The following PTPRM variants were observed in gnomAD, a reference collection of about 807,000 sequenced individuals.
The protein encoded by PTPRM is receptor-type tyrosine-protein phosphatase mu.
In PTPRM, 47 loss-of-function variants were observed where a neutral mutation model predicts 186.7. The observed-to-expected ratio is 0.25, with a 90% CI of 0.20 to 0.32. PTPRM has a LOEUF of 0.32. Among genes scored for constraint, PTPRM ranks in the 10% least tolerant of loss-of-function variants. The probability of loss-of-function intolerance (pLI) is 1.00; values close to 1 mark genes in which losing one functional copy is unlikely to be tolerated. For missense variants in PTPRM, 1,494 were observed against 1,865.0 expected (o/e 0.80, Z 3.66); for synonymous variants, 668 against 674.9 (o/e 0.99, Z 0.16).
chr18:8,132,017 A>G (rs1218276178), intron 13 of PTPRM, among the ~76,000 whole-genome samples: 1 of 152,180 alleles, frequency 6.6e-6, no homozygotes, highest in Non-Finnish European at 1.5e-5. Flanking sequence ...TAATTTACTT[A>G]TTGGTGTTGC....
intron 7 of PTPRM, among the ~76,000 whole-genome samples, chr18:8,002,025 A>C (rs184179124): frequency 6.6e-5 from 10 of 152,310 alleles, no homozygotes; most frequent in South Asian, 2.1e-4. Flanking sequence ...TAAATGTGGA[A>C]AACTGCTCCT....
chr18:7,840,797 A>G (rs554674425), intron 2 of PTPRM, among the ~76,000 whole-genome samples: 1 of 152,222 alleles, frequency 6.6e-6, no homozygotes, highest in Non-Finnish European at 1.5e-5. Flanking sequence ...TAACTTCAGA[A>G]GCTGCTACTA....
intron 6 of PTPRM, among the ~76,000 whole-genome samples, chr18:7,952,631 G>C (rs1386549762): frequency 1.3e-5 from 2 of 151,024 alleles, no homozygotes; most frequent in Admixed American, 1.3e-4. Flanking sequence ...GGGAGACAGA[G>C]CTTGCAGTGA....
intron 13 of PTPRM, among the ~76,000 whole-genome samples, chr18:8,119,381 A>C (rs1447108724): frequency 1.3e-5 from 2 of 152,214 alleles, no homozygotes; most frequent in Non-Finnish European, 2.9e-5. Flanking sequence ...CGCTGATAAA[A>C]GAACTGAAAA....
chr18:7,683,838 C>T (rs941410063), intron 1 of PTPRM, among the ~76,000 whole-genome samples: 2 of 152,068 alleles, frequency 1.3e-5, no homozygotes, highest in African/African-American at 4.8e-5. Flanking sequence ...CAGCCTTTAC[C>T]TGGAGGCTCT....
chr18:7,939,794 G>A (rs2052052767), intron 5 of PTPRM, among the ~76,000 whole-genome samples: 1 of 152,140 alleles, frequency 6.6e-6, no homozygotes, highest in Non-Finnish European at 1.5e-5. Flanking sequence ...ACAGTGCGAT[G>A]CCCATCCTTC....
chr18:7,634,889 A>G (rs577312954), intron 1 of PTPRM, among the ~76,000 whole-genome samples: 1 of 152,336 alleles, frequency 6.6e-6, no homozygotes, highest in South Asian at 2.1e-4. Flanking sequence ...TAACATGCAT[A>G]TGACAACAAA....
At chr18:8,125,528 C>G (rs2092310999) in intron 13 of PTPRM, among the ~76,000 whole-genome samples, 1 of 152,046 alleles carries the variant, frequency 6.6e-6, no homozygotes, top group Non-Finnish European at 1.5e-5. Context: ...CTACATTATT[C>G]TTTTTCATTT....
chr18:8,143,453 A>G (rs2146118176), intron 13 of PTPRM, among the ~76,000 whole-genome samples, 194 bp from the exon 14 acceptor site: 1 of 152,334 alleles, frequency 6.6e-6, no homozygotes, highest in Non-Finnish European at 1.5e-5. Context: ...GGTTTAGTAA[A>G]ATATTGAAGA....
At chr18:8,163,917 T>C (rs780162171) in intron 14 of PTPRM, among the ~76,000 whole-genome samples, 1 of 152,224 alleles carries the variant, frequency 6.6e-6, no homozygotes, top group South Asian at 2.1e-4. Context: ...TTTAGTTAAA[T>C]CGAGGACACT....
chr18:7,961,405 G>A (rs905025537), intron 7 of PTPRM, among the ~76,000 whole-genome samples: 1 of 152,124 alleles, frequency 6.6e-6, no homozygotes, highest in Non-Finnish European at 1.5e-5. Context: ...CTTATTCCAC[G>A]TAGCATAATG....
At position 8,275,678 on chromosome 18, in the gene PTPRM, G is replaced by A. The variant is rs143353344; in HGVS notation, c.2755-20690G>A. Among the ~76,000 whole-genome samples, 757 of 152,220 alleles carry A rather than the reference G, an allele frequency of 5.0e-3. 6 individuals are homozygous for A. Among genetic ancestry groups the A allele is most frequent in the African/African-American group, 0.017 (713 of 41,540 alleles). ...AACCTCTCAAAACCTCTAACTCCTC[G>A]AGAAAAGGGATTCGTGTCTATTTCA... On this transcript the variant is annotated intron_variant, in intron 19 of 32. Coordinates refer to ENST00000580170, the MANE Select transcript of PTPRM (RefSeq NM_001105244.2).
intron 3 of PTPRM, among the ~76,000 whole-genome samples, chr18:7,894,681 G>A (rs1649849002): frequency 6.6e-6 from 1 of 151,778 alleles, no homozygotes; most frequent in South Asian, 2.1e-4. Context: ...ATGTGAACAT[G>A]GTGCATAAAA....
intron 14 of PTPRM, among the ~76,000 whole-genome samples, chr18:8,239,917 G>A (rs989428288): frequency 3.9e-5 from 6 of 152,186 alleles, no homozygotes; most frequent in Non-Finnish European, 8.8e-5. Flanking sequence ...CAAGTTTGGA[G>A]ATTGGAGATT....
In PTPRM at chr18:8,252,541, G is replaced by T. The variant is rs1033125205; in HGVS notation, c.2566+42G>T. ...GCCCCATGGAAGAGTTGTGGAGGGAGTGGGAGTGTGTGTCTTACTGGTAGA... is the reference window on the plus strand; with the variant it reads ...GCCCCATGGAAGAGTTGTGGAGGGATTGGGAGTGTGTGTCTTACTGGTAGA... On this transcript the variant is annotated intron_variant, in intron 18 of 32. Transcript: ENST00000580170. 3.3e-6 allele frequency: 5 copies of T among 1,521,992 alleles called. No homozygotes were observed. The South Asian group carries it at 4.5e-5, about 14-fold the overall frequency. The allele number at this position is 1,521,992 out of a possible 1,614,324, so 94.3% of individuals were successfully genotyped here.
At chr18:8,159,226 G>C (rs116832509) in intron 14 of PTPRM, among the ~76,000 whole-genome samples, 3 of 152,038 alleles carry the variant, frequency 2.0e-5, no homozygotes, top group African/African-American at 4.8e-5. Context: ...ATTATATTAA[G>C]TACTATATTT....
intron 14 of PTPRM, among the ~76,000 whole-genome samples, chr18:8,189,288 C>CAAA (rs34633889): frequency 2.6e-5 from 3 of 116,540 alleles, no homozygotes; most frequent in Non-Finnish European, 3.6e-5. Context: ...AGACTCGTCT[C>CAAA]AAAAAAAAAA....
intron 29 of PTPRM, among the ~76,000 whole-genome samples, chr18:8,383,431 G>A (rs1432763530): frequency 1.3e-5 from 2 of 151,578 alleles, no homozygotes; most frequent in African/African-American, 2.4e-5. Context: ...CTTTGAGAAG[G>A]GTTTTTGAAG....
chr18:8,187,279 T>G (rs537656606), intron 14 of PTPRM, among the ~76,000 whole-genome samples: 1 of 152,244 alleles, frequency 6.6e-6, no homozygotes, highest in East Asian at 1.9e-4. Flanking sequence ...AAGGAGTTAA[T>G]GAGATGAACT....
Sources: gnomAD v4.1 joint callset for allele counts (sites outside exome capture counted in the v4.1 genomes callset) on GRCh38, gnomAD v4.1.1 for gene constraint, MANE v1.5 for transcripts, NCBI Gene and HGNC (gene_info 2026-07-23, HGNC 2026-07-21) for gene names.